NEBL: variants seen among roughly 807,000 people sequenced by gnomAD.
The protein encoded by NEBL is nebulette.
NEBL carries 122 observed loss-of-function variants against 140.2 expected under a neutral mutation model. That is an observed-to-expected ratio of 0.87 (90% CI 0.75 to 1.01). NEBL has a LOEUF of 1.01. Ranked by LOEUF, NEBL falls within the 50% of genes least tolerant of loss-of-function variation. NEBL has a pLI of 0.00. For synonymous variants in NEBL, 436 were observed against 398.9 expected (o/e 1.09, Z -1.11); for missense variants, 1,365 against 1,231.3 (o/e 1.11, Z -1.62).
At chr10:21,289,587 A>C (rs192859528) in intron 1 of NEBL, among the ~76,000 whole-genome samples, 7 of 152,218 alleles carry the variant, frequency 4.6e-5, no homozygotes, top group African/African-American at 1.7e-4. Flanking sequence ...TTAAGAGATT[A>C]TCACAACCAC....
At chr10:21,072,222 C>G (rs75532653) in intron 2 of NEBL, among the ~76,000 whole-genome samples, 5 of 152,112 alleles carry the variant, frequency 3.3e-5, no homozygotes, top group African/African-American at 1.2e-4. Flanking sequence ...AGACAGGTCA[C>G]TTCAATCCCT....
chr10:20,860,604 T>C (rs1843607544), intron 7 of NEBL, among the ~76,000 whole-genome samples: 1 of 144,416 alleles, frequency 6.9e-6, no homozygotes, highest in Admixed American at 7.0e-5. Context: ...TATTCACATG[T>C]CATACCCCCT....
chr10:20,894,036 G>A (rs756971225), intron 2 of NEBL, among the ~76,000 whole-genome samples: 15 of 152,110 alleles, frequency 9.9e-5, no homozygotes, highest in South Asian at 2.1e-4. Flanking sequence ...GATCTAGACC[G>A]TCCACATCTG....
At chr10:21,030,633 A>T in intron 2 of NEBL, 1 of 546,020 alleles carries the variant, frequency 1.8e-6, no homozygotes. Context: ...AAGGACCAGC[A>T]AGGAAAGATG....
intron 2 of NEBL, among the ~76,000 whole-genome samples, chr10:21,161,805 G>A (rs182842123): frequency 6.6e-6 from 1 of 152,088 alleles, no homozygotes; most frequent in Non-Finnish European, 1.5e-5. Context: ...CATGCCTGTT[G>A]TATAATAAAG....
chr10:21,064,067 G>A (rs1835423622), intron 2 of NEBL, among the ~76,000 whole-genome samples: 1 of 152,080 alleles, frequency 6.6e-6, no homozygotes, highest in African/African-American at 2.4e-5. Context: ...GGGAGACCCT[G>A]TCTCAGAAAA....
Position 20,817,675 on chromosome 10 carries a change from T to A in NEBL, c.2073A>T (p.Glu691Asp). 5 of 1,613,090 alleles carry A rather than the reference T, an allele frequency of 3.1e-6. No individual in the cohort carries two copies. Among genetic ancestry groups the A allele is most frequent in the Middle Eastern group, 3.3e-4 (2 of 6,060 alleles). Reference protein sequence around the residue: ...EQLSAVKYKGELQRGTAISDP... With the variant: ...EQLSAVKYKGDLQRGTAISDP... ...CAGAAATTGCAGTTCCCCGTTGAAGTTCTCCCTTATATTTTACCTAAGAAG... is the reference window on the plus strand; with the variant it reads ...CAGAAATTGCAGTTCCCCGTTGAAGATCTCCCTTATATTTTACCTAAGAAG... The change falls in exon 21 of 28, where the codon GAA becomes GAT. Residue 691 changes from glutamate to aspartate, a missense_variant. Physicochemically the swap from Glu to Asp is conservative, Grantham distance 45. Around this residue, in one of 2 missense-constraint regions of NEBL, gnomAD observed 1,323 missense variants for 1,154.8 expected, o/e 1.15. Coordinates refer to ENST00000377122, the MANE Select transcript of NEBL (RefSeq NM_006393.3).
chr10:20,889,886 T>C lies in NEBL; in HGVS notation c.217A>G (p.Met73Val), dbSNP rs750807137. ...DKCTFVTDSPMLNHVKNIGAF... is the reference protein window; with the variant it reads ...DKCTFVTDSPVLNHVKNIGAF... ...CCGATATTTTTTACATGGTTTAGCA[T>C]AGGACTGTCAGTCACAAATGTACAC... The change falls in exon 3 of 28, where the codon ATG becomes GTG. Residue 73 changes from methionine to valine, a missense_variant. Met to Val is a conservative substitution (Grantham distance 21). Around this residue, in one of 2 missense-constraint regions of NEBL, gnomAD observed 1,323 missense variants for 1,154.8 expected, o/e 1.15. Transcript: ENST00000377122. 6.2e-7 allele frequency: 1 copy of C among 1,613,288 alleles called. No homozygotes were observed. Among genetic ancestry groups the C allele is most frequent in the Non-Finnish European group, 8.5e-7 (1 of 1,179,368 alleles).
chr10:21,038,337 T>C (rs2131823708), intron 2 of NEBL, among the ~76,000 whole-genome samples: 1 of 152,290 alleles, frequency 6.6e-6, no homozygotes, highest in African/African-American at 2.4e-5. Flanking sequence ...CATTAGGTAT[T>C]TCTCCTAATA....
At chr10:20,873,205 G>T (rs576836733) in intron 5 of NEBL, among the ~76,000 whole-genome samples, 1 of 152,266 alleles carries the variant, frequency 6.6e-6, no homozygotes, top group East Asian at 1.9e-4. Flanking sequence ...CAAAGTGTGT[G>T]TATACATATT....
upstream of NEBL, among the ~76,000 whole-genome samples, chr10:21,178,935 C>T (rs1443057933): frequency 6.6e-6 from 1 of 152,146 alleles, no homozygotes; most frequent in Non-Finnish European, 1.5e-5. Flanking sequence ...CAAAATAATC[C>T]ACTCCCTAAA....
intron 2 of NEBL, among the ~76,000 whole-genome samples, chr10:21,113,714 T>C (rs1170603441): frequency 6.6e-6 from 1 of 152,130 alleles, no homozygotes; most frequent in Admixed American, 6.6e-5. Context: ...TTTTAGTTTG[T>C]ATGGAATGTT....
At chr10:20,984,961 C>T (rs960370774) in intron 3 of NEBL, among the ~76,000 whole-genome samples, 6 of 152,160 alleles carry the variant, frequency 3.9e-5, no homozygotes, top group African/African-American at 1.4e-4. Context: ...GGTTGCTTGC[C>T]TCTTATGAGA....
chr10:20,853,704 G>A (rs775119490), intron 9 of NEBL, among the ~76,000 whole-genome samples: 4 of 152,182 alleles, frequency 2.6e-5, no homozygotes, highest in Admixed American at 6.5e-5. Context: ...TATGAAGACA[G>A]AGTAGAATGA....
intron 2 of NEBL, among the ~76,000 whole-genome samples, chr10:21,161,940 A>T (rs1372273437): frequency 2.6e-5 from 4 of 152,202 alleles, no homozygotes; most frequent in Admixed American, 2.6e-4. Context: ...GATGTGATCA[A>T]GGTGGCTCAG....
chr10:20,784,542 G>A lies in NEBL; in HGVS notation c.*1205C>T, dbSNP rs1835254910. ...GGACGTCTTTTGATTAACCCGTTTT[G>A]GTGGCTAGATTTCCATTCCAGAATT... is the stretch of plus-strand genomic sequence containing the variant. On this transcript the variant is annotated 3_prime_UTR_variant, in exon 28 of 28. Coordinates refer to ENST00000377122, the MANE Select transcript of NEBL (RefSeq NM_006393.3). The A allele has an allele frequency of 6.6e-6, 1 of 152,012 alleles. No individual in the cohort carries two copies. 9.4% of individuals were successfully genotyped at this position (152,012 alleles called of 1,614,324 possible).
rs191927122 is a variant in NEBL at position 21,105,350 on chromosome 10, C to T, written c.164+67033G>A. Among the ~76,000 whole-genome samples, 609 of 152,108 alleles carry T rather than the reference C, an allele frequency of 4.0e-3. 2 individuals carry two copies. The highest frequency in any genetic ancestry group is 7.3e-3 in the Admixed American group (111 of 15,254). ...ATCCCTCCCCCAGTCCCCTACCCCCCGACAGGCCCCAGTGTGTGATGTTTC... is the reference window on the plus strand; with the variant it reads ...ATCCCTCCCCCAGTCCCCTACCCCCTGACAGGCCCCAGTGTGTGATGTTTC... On this transcript the variant is annotated intron_variant, in intron 2 of 6. Transcript: ENST00000417816.
At chr10:21,058,202 G>T (rs1835116282) in intron 2 of NEBL, among the ~76,000 whole-genome samples, 1 of 152,134 alleles carries the variant, frequency 6.6e-6, no homozygotes, top group South Asian at 2.1e-4. Flanking sequence ...CAGGAGCCAG[G>T]GTTAGTTCAG....
intron 4 of NEBL, among the ~76,000 whole-genome samples, chr10:20,939,999 A>C (rs4491126): frequency 0.71 from 105,585 of 147,790 alleles, 37,906 homozygotes; most frequent in Admixed American, 0.8. Flanking sequence ...GACTTTAACA[A>C]CCCACTGTCA....
Sources: gnomAD v4.1 joint callset for allele counts (sites outside exome capture counted in the v4.1 genomes callset) on GRCh38, gnomAD v4.1.1 for gene constraint, gnomAD v4.1.1 regional missense constraint, MANE v1.5 for transcripts, NCBI Gene and HGNC (gene_info 2026-07-23, HGNC 2026-07-21) for gene names.